The following SGMS1 variants were observed in gnomAD, a reference collection of about 807,000 sequenced individuals.
SGMS1 encodes sphingomyelin synthase 1.
In SGMS1, 13 loss-of-function variants were observed where a neutral mutation model predicts 46.2. That is an observed-to-expected ratio of 0.28 (90% CI 0.18 to 0.45). The LOEUF (loss-of-function observed/expected upper bound fraction) is 0.45, where lower values mean the gene tolerates loss of function less well. Ranked by LOEUF, SGMS1 falls within the 20% of genes least tolerant of loss-of-function variation. The probability of loss-of-function intolerance (pLI) is 1.00; values close to 1 mark genes in which losing one functional copy is unlikely to be tolerated. For synonymous variants in SGMS1, 203 were observed against 187.8 expected (o/e 1.08, Z -0.66); for missense variants, 324 against 519.9 (o/e 0.62, Z 3.66).
At chr10:50,497,813 T>A (rs147587694) in intron 3 of SGMS1, among the ~76,000 whole-genome samples, 1 of 151,988 alleles carries the variant, frequency 6.6e-6, no homozygotes, top group East Asian at 1.9e-4. Flanking sequence ...AAATTCCAGA[T>A]CCTTCAGTTG....
chr10:50,404,522 G>C (rs986898654), intron 6 of SGMS1, among the ~76,000 whole-genome samples: 1 of 152,046 alleles, frequency 6.6e-6, no homozygotes, highest in Non-Finnish European at 1.5e-5. Context: ...AGCATTGCTT[G>C]AGCCCACGAG....
At chr10:50,582,268 C>T (rs1396799494) in intron 2 of SGMS1, among the ~76,000 whole-genome samples, 1 of 152,172 alleles carries the variant, frequency 6.6e-6, no homozygotes, top group Non-Finnish European at 1.5e-5. Flanking sequence ...AACAGCAAGA[C>T]CCTCCCTAGA....
At chr10:50,399,924 G>A (rs944028235) in intron 6 of SGMS1, among the ~76,000 whole-genome samples, 2 of 151,796 alleles carry the variant, frequency 1.3e-5, no homozygotes, top group African/African-American at 4.8e-5. Context: ...AGCCACTCGG[G>A]AGGCTGAGGC....
chr10:50,378,624 A>T (rs1417493477), intron 6 of SGMS1, among the ~76,000 whole-genome samples: 1 of 152,200 alleles, frequency 6.6e-6, no homozygotes, highest in Non-Finnish European at 1.5e-5. Flanking sequence ...ACTCATATAT[A>T]TATAGTAAGA....
chr10:50,616,369 C>T (rs1838797508), intron 1 of SGMS1, among the ~76,000 whole-genome samples: 1 of 152,096 alleles, frequency 6.6e-6, no homozygotes, highest in Non-Finnish European at 1.5e-5. Context: ...CTTCTGGGCT[C>T]AAGTGATCCT....
intron 2 of SGMS1, among the ~76,000 whole-genome samples, chr10:50,567,592 G>A (rs74131425): frequency 0.046 from 6,974 of 152,240 alleles, 513 homozygotes; most frequent in African/African-American, 0.16. Flanking sequence ...CCTATTATAC[G>A]GGGCAGGCGG....
chr10:50,440,275 A>ATAT (rs1255528566), intron 5 of SGMS1, among the ~76,000 whole-genome samples: 31 of 140,090 alleles, frequency 2.2e-4, no homozygotes, highest in Non-Finnish European at 3.4e-4. Context: ...CAAATTAAAA[A>ATAT]ATATATATAT....
At chr10:50,621,507 T>C (rs1433285303) in intron 1 of SGMS1, among the ~76,000 whole-genome samples, 2 of 152,152 alleles carry the variant, frequency 1.3e-5, no homozygotes, top group African/African-American at 4.8e-5. Flanking sequence ...TAAATACTGG[T>C]AAACTCTTCT....
At chr10:50,531,506 T>C (rs2133804766) in intron 2 of SGMS1, among the ~76,000 whole-genome samples, 1 of 152,306 alleles carries the variant, frequency 6.6e-6, no homozygotes, top group African/African-American at 2.4e-5. Context: ...TCTGCAGGTC[T>C]GTTAGCATGG....
In SGMS1 at chr10:50,461,428, A is replaced by G. The variant is rs550561152; in HGVS notation, c.-454-614T>C. 7.9e-5 allele frequency among the ~76,000 whole-genome samples: 12 copies of G among 152,280 alleles called. No individual in the cohort carries two copies. In the East Asian group the frequency reaches 2.3e-3, roughly 29 times the overall value. On this transcript the variant is annotated intron_variant, in intron 4 of 10. Transcript: ENST00000361781. ...TTCATTTAGTGCCTCATTTGTAGTA[A>G]TTTGTACTTATATGTGAAAGAATAT... is the stretch of plus-strand genomic sequence containing the variant.
chr10:50,392,938 T>C (rs772434601), intron 6 of SGMS1, among the ~76,000 whole-genome samples: 16 of 152,144 alleles, frequency 1.1e-4, no homozygotes, highest in Non-Finnish European at 1.6e-4. Context: ...TGAAATTTAA[T>C]CTGGTATGAA....
At chr10:50,336,570 A>G (rs1847720634) in intron 7 of SGMS1, among the ~76,000 whole-genome samples, 1 of 152,176 alleles carries the variant, frequency 6.6e-6, no homozygotes, top group Non-Finnish European at 1.5e-5. Flanking sequence ...ATGGAACCCA[A>G]CACATAAAAT....
intron 7 of SGMS1, among the ~76,000 whole-genome samples, chr10:50,332,178 C>T (rs914252291): frequency 2.6e-5 from 4 of 152,120 alleles, no homozygotes; most frequent in Admixed American, 2.6e-4. Flanking sequence ...CTCTGGCCAC[C>T]CTCCCTATCA....
At chr10:50,394,715 G>A (rs1214652815) in intron 6 of SGMS1, among the ~76,000 whole-genome samples, 1 of 152,274 alleles carries the variant, frequency 6.6e-6, no homozygotes, top group East Asian at 1.9e-4. Context: ...AATTTCAGGG[G>A]CAGAAAAACA....
At chr10:50,473,446 T>C (rs368049316) in intron 3 of SGMS1, among the ~76,000 whole-genome samples, 12 of 152,332 alleles carry the variant, frequency 7.9e-5, no homozygotes, top group African/African-American at 2.9e-4. Context: ...TGAAGGAACA[T>C]TATGGCTTCA....
intron 2 of SGMS1, among the ~76,000 whole-genome samples, chr10:50,587,633 A>ATGTGTGTGTG (rs35240090): frequency 0.013 from 1,849 of 138,044 alleles, 25 homozygotes; most frequent in Non-Finnish European, 0.016. Flanking sequence ...CAAAATATAT[A>ATGTGTGTGTG]TGTGTGTGTG....
intron 2 of SGMS1, among the ~76,000 whole-genome samples, chr10:50,542,633 ACACACACACACATG>A (rs542301257): frequency 3.4e-3 from 103 of 30,360 alleles, no homozygotes; most frequent in African/African-American, 0.012. Flanking sequence ...GAGAAGGTAT[ACACACACACACATG>A]CACACACACA....
chr10:50,532,160 T>C (rs2983353), intron 2 of SGMS1, among the ~76,000 whole-genome samples: 6,872 of 152,002 alleles, frequency 0.045, 216 homozygotes, highest in Non-Finnish European at 0.068. Context: ...GGTTTCTTAT[T>C]CAGTTCCCAG....
chr10:50,330,140 A>G (rs1326606020), intron 7 of SGMS1, among the ~76,000 whole-genome samples: 2 of 152,124 alleles, frequency 1.3e-5, no homozygotes, highest in Admixed American at 6.5e-5. Flanking sequence ...TGTTTTTGGC[A>G]TTTGGTACAA....
Sources: gnomAD v4.1 joint callset for allele counts (sites outside exome capture counted in the v4.1 genomes callset) on GRCh38, gnomAD v4.1.1 for gene constraint, MANE v1.5 for transcripts, NCBI Gene and HGNC (gene_info 2026-07-23, HGNC 2026-07-21) for gene names.